ABHD2: variants seen among roughly 807,000 people sequenced by gnomAD.
ABHD2 encodes the protein abhydrolase domain containing 2, acylglycerol lipase.
ABHD2 carries 20 observed loss-of-function variants against 48.1 expected under a neutral mutation model. That is an observed-to-expected ratio of 0.42 (90% CI 0.29 to 0.60). ABHD2 has a LOEUF of 0.60. ABHD2 is among the 20% of genes least tolerant of loss of function. The probability of loss-of-function intolerance (pLI) is 0.24; values close to 1 mark genes in which losing one functional copy is unlikely to be tolerated. For missense variants in ABHD2, 405 were observed against 550.9 expected (o/e 0.74, Z 2.65); for synonymous variants, 209 against 214.2 (o/e 0.98, Z 0.21).
chr15:89,179,094 A>G lies in ABHD2; in HGVS notation c.722+3099A>G, dbSNP rs182083002. On this transcript the variant is annotated intron_variant, in intron 6 of 10. Transcript: ENST00000352732. The surrounding 1 kb of genome is among the most constrained non-coding windows in gnomAD (Gnocchi z 4.3). ...CAAATACATGTTACTAAGATATTAC[A>G]CATTTAGGCATATGGGTGCCAAGGA... Among the ~76,000 whole-genome samples, 12 of 152,372 alleles carry G rather than the reference A, an allele frequency of 7.9e-5. No individual in the cohort carries two copies. The highest frequency in any genetic ancestry group is 4.6e-4 in the Admixed American group (7 of 15,310).
chr15:89,201,478 T>A lies in ABHD2; in HGVS notation c.*6055T>A. 1 of 1,539,874 alleles carries A rather than the reference T, an allele frequency of 6.5e-7. No individual in the cohort carries two copies. The highest frequency in any genetic ancestry group is 2.2e-5 in the East Asian group (1 of 44,520). On this transcript the variant is annotated 3_prime_UTR_variant, in exon 11 of 11. Transcript: ENST00000352732. ...AGGTTTTGCCTCATTCCACACAGCTTCCATATCTGAAGTGTTTAGTGGAGC... is the reference window on the plus strand; with the variant it reads ...AGGTTTTGCCTCATTCCACACAGCTACCATATCTGAAGTGTTTAGTGGAGC...
Position 89,174,804 on chromosome 15 carries a change from C to G in ABHD2, c.539-1008C>G, listed in dbSNP as rs188212065. Among the ~76,000 whole-genome samples the G allele has an allele frequency of 6.6e-6, 1 of 152,190 alleles. No homozygotes were observed. Among genetic ancestry groups the G allele is most frequent in the Admixed American group, 6.5e-5 (1 of 15,278 alleles). On this transcript the variant is annotated intron_variant, in intron 5 of 10. Transcript: ENST00000352732. The surrounding 1 kb of genome is among the most constrained non-coding windows in gnomAD (Gnocchi z 4.1). ...TAGAAGGATGTGATGAATCCCTTCA[C>G]TTGTAATATGGCCATTCACCTCCTC... is the stretch of plus-strand genomic sequence containing the variant.
In ABHD2 at chr15:89,197,738, G is replaced by A. The variant is rs1262120590; in HGVS notation, c.*2315G>A. 1 of 152,258 alleles carries A rather than the reference G, an allele frequency of 6.6e-6. No individual in the cohort carries two copies. The highest frequency in any genetic ancestry group is 1.9e-4 in the East Asian group (1 of 5,182). The allele number at this position is 152,258 out of a possible 1,614,324, so 9.4% of individuals were successfully genotyped here. A position where few individuals can be genotyped will look rare whatever the true frequency, so the allele number is the denominator to read the frequency against. The stretch of plus-strand genomic sequence containing the variant: ...CTGCACGGCAGTCCTGGTGGCCCCT[G>A]TGGAGGACAGGCAGGGCTGGCAGCA... On this transcript the variant is annotated 3_prime_UTR_variant, in exon 11 of 11. Transcript: ENST00000352732. The surrounding 1 kb of genome is among the most constrained non-coding windows in gnomAD (Gnocchi z 4.4).
chr15:89,124,726 G>A (rs1478538056), intron 3 of ABHD2, among the ~76,000 whole-genome samples: 1 of 152,126 alleles, frequency 6.6e-6, no homozygotes, highest in East Asian at 1.9e-4. Context: ...GGCTGAGGTG[G>A]GTGGATCACG....
the ABHD2 span, among the ~76,000 whole-genome samples, chr15:89,057,205 C>T: frequency 5.9e-5 from 9 of 152,270 alleles, no homozygotes; most frequent in South Asian, 2.1e-4. Flanking sequence ...TGAGCCACTG[C>T]GCTAGGCCAG....
chr15:89,087,918 G>C (rs1399942358), upstream of ABHD2: 2 of 152,028 alleles, frequency 1.3e-5, no homozygotes, highest in Admixed American at 1.3e-4. The surrounding 1 kb of genome is among the most constrained non-coding windows in gnomAD (Gnocchi z 5.5). Flanking sequence ...CCTCTCTCCC[G>C]GGATATGACC....
the ABHD2 span, among the ~76,000 whole-genome samples, chr15:89,054,570 A>G: frequency 6.6e-6 from 1 of 152,048 alleles, no homozygotes; most frequent in Non-Finnish European, 1.5e-5. Context: ...AGTCCCAGCT[A>G]CTTGGAAGAC....
At position 89,155,690 on chromosome 15, in the gene ABHD2, T is replaced by C. The variant is rs1161614108; in HGVS notation, c.538+156T>C. Among the ~76,000 whole-genome samples, 2 of 152,174 alleles carry C rather than the reference T, an allele frequency of 1.3e-5. No homozygotes were observed. Among genetic ancestry groups the C allele is most frequent in the African/African-American group, 4.8e-5 (2 of 41,436 alleles). On this transcript the variant is annotated intron_variant, in intron 5 of 10. Transcript: ENST00000352732. This position sits in a 1 kb window ranked among gnomAD's most constrained non-coding sequence, Gnocchi z 4.9. ...ATCAACAGCCAACTTGTACTGGGCATTGATGATGCCATGCCTCACACCAGC... is the reference window on the plus strand; with the variant it reads ...ATCAACAGCCAACTTGTACTGGGCACTGATGATGCCATGCCTCACACCAGC...
At chr15:89,135,864 A>G in intron 3 of ABHD2, 2 of 703,542 alleles carry the variant, frequency 2.8e-6, no homozygotes, top group South Asian at 3.2e-5. Flanking sequence ...AGAACAGAAC[A>G]GGACAGAACA....
In ABHD2 at chr15:89,185,353, T is replaced by TA; in HGVS notation, c.723-70dup. 4 of 1,258,546 alleles carry TA rather than the reference T, an allele frequency of 3.2e-6. No individual in the cohort carries two copies. In the South Asian group the frequency reaches 4.9e-5, roughly 15 times the overall value. 78.0% of individuals were successfully genotyped at this position (1,258,546 alleles called of 1,614,324 possible). The stretch of plus-strand genomic sequence containing the variant: ...CCACACAAGCACCTCACCCCATGGC[T>TA]AGAGCCCCCTCCTGGCTGCCCGCCT... On this transcript the variant is annotated intron_variant, in intron 6 of 10. Transcript: ENST00000352732. This position sits in a 1 kb window ranked among gnomAD's most constrained non-coding sequence, Gnocchi z 5.9.
Position 89,185,648 on chromosome 15 carries a change from T to C in ABHD2, c.815+132T>C. On this transcript the variant is annotated intron_variant, in intron 7 of 10. Coordinates refer to ENST00000352732, the MANE Select transcript of ABHD2 (RefSeq NM_152924.5). The surrounding 1 kb of genome is among the most constrained non-coding windows in gnomAD (Gnocchi z 5.9). The stretch of plus-strand genomic sequence containing the variant: ...TGCAGGTGTGGTACAGACTCTCTGC[T>C]GCCTGCATTTGTGACTTGATTAGAA... 3 of 793,488 alleles carry C rather than the reference T, an allele frequency of 3.8e-6. No individual in the cohort carries two copies. Among genetic ancestry groups the C allele is most frequent in the Non-Finnish European group, 6.1e-6 (3 of 490,262 alleles). The allele number at this position is 793,488 out of a possible 1,614,324, so 49.2% of individuals were successfully genotyped here.
At chr15:89,046,638 G>T in the ABHD2 span, among the ~76,000 whole-genome samples, 2 of 152,106 alleles carry the variant, frequency 1.3e-5, no homozygotes, top group African/African-American at 4.8e-5. Flanking sequence ...GAGTGTATGT[G>T]TCGAGGAATT....
chr15:89,185,333 C>G lies in ABHD2; in HGVS notation c.723-91C>G. The G allele has an allele frequency of 1.0e-6, 1 of 956,870 alleles. No homozygotes were observed. The highest frequency in any genetic ancestry group is 1.4e-5 in the South Asian group (1 of 71,008). The allele number at this position is 956,870 out of a possible 1,614,324, so 59.3% of individuals were successfully genotyped here. A position where few individuals can be genotyped will look rare whatever the true frequency, so the allele number is the denominator to read the frequency against. On this transcript the variant is annotated intron_variant, in intron 6 of 10. Transcript: ENST00000352732. This position sits in a 1 kb window ranked among gnomAD's most constrained non-coding sequence, Gnocchi z 5.9. ...AGCCTGAGAGCCGGCCCTCTCCACACAAGCACCTCACCCCATGGCTAGAGC... is the reference window on the plus strand; with the variant it reads ...AGCCTGAGAGCCGGCCCTCTCCACAGAAGCACCTCACCCCATGGCTAGAGC...
the ABHD2 span, among the ~76,000 whole-genome samples, chr15:89,059,608 C>CT: frequency 6.6e-6 from 1 of 152,118 alleles, no homozygotes; most frequent in African/African-American, 2.4e-5. Flanking sequence ...TAGGGATGGG[C>CT]TTGAGAAGTA....
chr15:89,049,562 C>T, the ABHD2 span, among the ~76,000 whole-genome samples: 1 of 152,266 alleles, frequency 6.6e-6, no homozygotes, highest in Non-Finnish European at 1.5e-5. Context: ...GTAGGACCCT[C>T]TGAGCCAGGT....
At chr15:89,160,622 C>T (rs2050748043) in intron 5 of ABHD2, among the ~76,000 whole-genome samples, 6 of 152,022 alleles carry the variant, frequency 3.9e-5, no homozygotes, top group Admixed American at 3.9e-4. Flanking sequence ...TGGTTTAAAG[C>T]AATGATTTCT....
chr15:89,147,720 A>G (rs2050518553), intron 3 of ABHD2, among the ~76,000 whole-genome samples: 1 of 152,164 alleles, frequency 6.6e-6, no homozygotes, highest in African/African-American at 2.4e-5. Flanking sequence ...AATCTATTGT[A>G]TATTTTAACT....
rs1265856661 is a variant in ABHD2 at position 89,176,177 on chromosome 15, C to G, written c.722+182C>G. On this transcript the variant is annotated intron_variant, in intron 6 of 10. Transcript: ENST00000352732. The surrounding 1 kb of genome is among the most constrained non-coding windows in gnomAD (Gnocchi z 4.5). ...CATACATTGGAGATGCCCCATCAGA[C>G]CCCTTAAGCCTGGGATATGCAGCTG... 6.6e-6 allele frequency among the ~76,000 whole-genome samples: 1 copy of G among 152,164 alleles called. No individual in the cohort carries two copies. Among genetic ancestry groups the G allele is most frequent in the Non-Finnish European group, 1.5e-5 (1 of 68,032 alleles).
chr15:89,085,462 A>G (rs1901334175), upstream of ABHD2, among the ~76,000 whole-genome samples: 1 of 152,122 alleles, frequency 6.6e-6, no homozygotes. The surrounding 1 kb of genome is among the most constrained non-coding windows in gnomAD (Gnocchi z 4.2). Flanking sequence ...AAGGGAGGAA[A>G]CAGAAACCAG....
Sources: gnomAD v4.1 joint callset for allele counts (sites outside exome capture counted in the v4.1 genomes callset) on GRCh38, gnomAD v4.1.1 for gene constraint, Gnocchi (gnomAD v3.1) non-coding constraint, MANE v1.5 for transcripts, NCBI Gene and HGNC (gene_info 2026-07-23, HGNC 2026-07-21) for gene names.